RXFP2: variants seen among roughly 807,000 people sequenced by gnomAD.
RXFP2 encodes the protein relaxin family peptide receptor 2, also known as relaxin receptor 2.
A neutral mutation model predicts 88.6 loss-of-function variants in RXFP2; 68 were observed. The ratio of observed to expected loss-of-function variants is 0.77; its 90% CI spans 0.63 to 0.94. The LOEUF is 0.94. Ranked by LOEUF, RXFP2 falls within the 40% of genes least tolerant of loss-of-function variation. RXFP2 has a pLI of 0.00. For synonymous variants in RXFP2, 329 were observed against 306.8 expected, an observed-to-expected ratio of 1.07 and a Z score of -0.76; for missense variants, 791 against 893.9, an observed-to-expected ratio of 0.88 and a Z score of 1.47.
intron 7 of RXFP2, among the ~76,000 whole-genome samples, chr13:31,776,098 T>TCC (rs1434891796): frequency 2.0e-3 from 55 of 27,378 alleles, no homozygotes; most frequent in African/African-American, 8.1e-3. Flanking sequence ...CTTTCTTTCT[T>TCC]TTCTTTTCTT....
chr13:31,789,798 C>A (rs1225264206), intron 14 of RXFP2, among the ~76,000 whole-genome samples: 1 of 152,156 alleles, frequency 6.6e-6, no homozygotes, highest in East Asian at 1.9e-4. Context: ...AGGGAGAATT[C>A]AATGTAAGAT....
chr13:31,772,160 T>C (rs1872758759), intron 5 of RXFP2, among the ~76,000 whole-genome samples: 1 of 152,230 alleles, frequency 6.6e-6, no homozygotes, highest in Non-Finnish European at 1.5e-5. Context: ...TTGACTATAA[T>C]ACTTTATCAC....
intron 1 of RXFP2, among the ~76,000 whole-genome samples, chr13:31,742,307 G>A (rs1229351498): frequency 6.6e-6 from 1 of 152,200 alleles, no homozygotes; most frequent in Non-Finnish European, 1.5e-5. Flanking sequence ...CTAGTGGCCA[G>A]ACTCAAGGCA....
intron 11 of RXFP2, among the ~76,000 whole-genome samples, chr13:31,786,053 A>G (rs1453049731): frequency 6.6e-6 from 1 of 152,248 alleles, no homozygotes; most frequent in Non-Finnish European, 1.5e-5. Flanking sequence ...TGGCAATCAC[A>G]GAAGCATGAA....
chr13:31,766,131 A>G (rs1872541290), intron 5 of RXFP2, 104 bp downstream of exon 5: 2 of 694,142 alleles, frequency 2.9e-6, no homozygotes, highest in Non-Finnish European at 5.2e-6. Context: ...TTATCATTAC[A>G]TTTATGTTTC....
rs771199470 is a variant in RXFP2, at chr13:31,802,136, C to A, written c.2006-10C>A. 8 of 1,613,678 alleles carry A rather than the reference C, an allele frequency of 5.0e-6. No individual in the cohort carries two copies. Among genetic ancestry groups the A allele is most frequent in the Non-Finnish European group, 5.1e-6 (6 of 1,179,812 alleles). On this transcript the variant is annotated splice_polypyrimidine_tract_variant and intron_variant, in intron 17 of 17. Transcript: ENST00000298386. Reference sequence around the variant, plus strand: ...TCAACTTTTTTTTCACACTTTGCTTCCTTTTCCAGACACAATGACTTCCTG... The same window carrying A: ...TCAACTTTTTTTTCACACTTTGCTTACTTTTCCAGACACAATGACTTCCTG...
At chr13:31,761,878 T>G in intron 3 of RXFP2, 77 bp downstream of exon 3, 2 of 965,384 alleles carry the variant, frequency 2.1e-6, no homozygotes. Flanking sequence ...ATATGGGTAA[T>G]GTGACAAATT....
chr13:31,753,014 G>C, intron 1 of RXFP2, among the ~76,000 whole-genome samples: 1 of 152,116 alleles, frequency 6.6e-6, no homozygotes, highest in East Asian at 1.9e-4. Context: ...TGCCATCCTT[G>C]GTGACCAGGT....
At chr13:31,742,579 TA>T (rs1871261520) in intron 1 of RXFP2, among the ~76,000 whole-genome samples, 1 of 152,158 alleles carries the variant, frequency 6.6e-6, no homozygotes, top group Admixed American at 6.5e-5. Flanking sequence ...AGACGCCAGC[TA>T]AATACATCTC....
intron 5 of RXFP2, among the ~76,000 whole-genome samples, chr13:31,773,578 C>T (rs1872812351): frequency 6.6e-6 from 1 of 152,052 alleles, no homozygotes; most frequent in Non-Finnish European, 1.5e-5. Flanking sequence ...CGCTTCCTGA[C>T]CTCTGATAAC....
At position 31,765,063 on chromosome 13, in the gene RXFP2, G is replaced by T. The variant is rs1437667859; in HGVS notation, c.346G>T (p.Asp116Tyr). ...CFLKQYPQCC[D>Y]CKETELECVN... The stretch of plus-strand genomic sequence containing the variant: ...TCTAAAACAGTATCCACAATGCTGT[G>T]ACTGCAAAGAAACTGAATTGGAATG... Residue 116 changes from aspartate (D) to tyrosine (Y), a missense_variant, in exon 4 of 18, where the codon GAC becomes TAC. Physicochemically the swap from Asp to Tyr is radical, Grantham distance 160. Transcript: ENST00000298386. 1.2e-6 allele frequency: 2 copies of T among 1,609,164 alleles called. No homozygotes were observed. Among genetic ancestry groups the T allele is most frequent in the African/African-American group, 1.3e-5 (1 of 74,926 alleles).
intron 11 of RXFP2, among the ~76,000 whole-genome samples, chr13:31,785,618 G>T (rs150600525): frequency 6.6e-6 from 1 of 151,562 alleles, no homozygotes; most frequent in African/African-American, 2.4e-5. Flanking sequence ...ATAGTTATTT[G>T]TAACTCCCAC....
Position 31,774,672 on chromosome 13 carries a change from T to C in RXFP2, c.550T>C (p.Leu184=). The change falls in exon 6 of 18, where the codon TTA becomes CTA. Residue 184 remains leucine, a synonymous_variant. Coordinates refer to ENST00000298386, the MANE Select transcript of RXFP2 (RefSeq NM_130806.5). ...CATATCCAGGAAAGCATTTTTTGGA[T>C]TATGTAATCTGCAAATATTGTGAGT... ...RHISRKAFFG[L]CNLQILYLNH... 2 of 1,531,286 alleles carry C rather than the reference T, an allele frequency of 1.3e-6. No homozygotes were observed. The highest frequency in any genetic ancestry group is 1.8e-6 in the Non-Finnish European group (2 of 1,104,648). The allele number at this position is 1,531,286 out of a possible 1,614,324, so 94.9% of individuals were successfully genotyped here.
At chr13:31,753,231 C>A (rs1478091507) in intron 1 of RXFP2, among the ~76,000 whole-genome samples, 1 of 152,080 alleles carries the variant, frequency 6.6e-6, no homozygotes, top group Admixed American at 6.5e-5. Flanking sequence ...AAACTGAGGA[C>A]CTGAAAGATG....
intron 10 of RXFP2, 97 bp from the exon 11 acceptor site, chr13:31,782,579 C>A: frequency 1.1e-6 from 1 of 891,942 alleles, no homozygotes; most frequent in Non-Finnish European, 1.9e-6. Context: ...TCAAAGGAGG[C>A]TTATAAAATT....
Position 31,782,743 on chromosome 13 carries a change from G to C in RXFP2, c.925G>C (p.Glu309Gln). 6.4e-7 allele frequency: 1 copy of C among 1,573,306 alleles called. No homozygotes were observed. The change falls in exon 11 of 18, where the codon GAA becomes CAA. Residue 309 changes from glutamate to glutamine, a missense_variant. Transcript: ENST00000298386. Reference protein sequence around the residue: ...KTFSSLKNLGELDLSSNTITE... With the variant: ...KTFSSLKNLGQLDLSSNTITE... The stretch of plus-strand genomic sequence containing the variant: ...ATTTTCTTCATTAAAAAATTTAGGA[G>C]AACTGTAAGTAGCATCGTCTACTAG...
chr13:31,749,317 T>G (rs1432093702), intron 1 of RXFP2, among the ~76,000 whole-genome samples: 1 of 152,218 alleles, frequency 6.6e-6, no homozygotes, highest in Non-Finnish European at 1.5e-5. Flanking sequence ...TCCACCAACA[T>G]CACACTGCCT....
chr13:31,797,993 A>G (rs1193215274), intron 17 of RXFP2, among the ~76,000 whole-genome samples: 1 of 152,206 alleles, frequency 6.6e-6, no homozygotes, highest in South Asian at 2.1e-4. Context: ...CCCTTCTGGA[A>G]TCTAGAGATC....
At chr13:31,755,514 A>G (rs1431864774) in intron 1 of RXFP2, among the ~76,000 whole-genome samples, 1 of 151,974 alleles carries the variant, frequency 6.6e-6, no homozygotes, top group Non-Finnish European at 1.5e-5. Context: ...GATATAAAAT[A>G]TATTTCTAAC....
Sources: gnomAD v4.1 joint callset for allele counts (sites outside exome capture counted in the v4.1 genomes callset) on GRCh38, gnomAD v4.1.1 for gene constraint, MANE v1.5 for transcripts, NCBI Gene and HGNC (gene_info 2026-07-23, HGNC 2026-07-21) for gene names.